LDLRAD3: variants seen among roughly 807,000 people sequenced by gnomAD.
LDLRAD3 encodes the protein low density lipoprotein receptor class A domain containing 3.
In LDLRAD3, 20 loss-of-function variants were observed where a neutral mutation model predicts 29.4. The observed-to-expected ratio is 0.68, with a 90% CI of 0.48 to 0.99. LDLRAD3 has a LOEUF of 0.99. Ranked by LOEUF, LDLRAD3 falls within the 50% of genes least tolerant of loss-of-function variation. The pLI is 0.00. For synonymous variants in LDLRAD3, 157 were observed against 192.7 expected (o/e 0.81, Z 1.53); for missense variants, 420 against 454.3 (o/e 0.92, Z 0.69).
intron 1 of LDLRAD3, among the ~76,000 whole-genome samples, chr11:36,007,822 C>T (rs746158140): frequency 4.6e-5 from 7 of 152,112 alleles, no homozygotes; most frequent in Non-Finnish European, 8.8e-5. Context: ...CAGGAGAATC[C>T]GACAGGCTGC....
chr11:36,213,517 A>G lies in LDLRAD3; in HGVS notation c.455-13568A>G, dbSNP rs916054748. On this transcript the variant is annotated intron_variant, in intron 4 of 5. Coordinates refer to ENST00000315571, the MANE Select transcript of LDLRAD3 (RefSeq NM_174902.4). This position sits in a 1 kb window ranked among gnomAD's most constrained non-coding sequence, Gnocchi z 4.1. ...TTTTTAGACAGGAAAGTCAGGGTGG[A>G]TGTGGGGATGCCCTTGGTTTACAGT... Among the ~76,000 whole-genome samples the G allele has an allele frequency of 3.9e-5, 6 of 152,188 alleles. No individual in the cohort carries two copies. The highest frequency in any genetic ancestry group is 9.6e-5 in the African/African-American group (4 of 41,456).
chr11:36,122,400 A>G (rs568032005), intron 4 of LDLRAD3, among the ~76,000 whole-genome samples: 88 of 152,296 alleles, frequency 5.8e-4, no homozygotes, highest in African/African-American at 2.1e-3. Context: ...CCCAAGCCTC[A>G]GATTTTCCAT....
chr11:36,176,808 T>C (rs1425232110), intron 4 of LDLRAD3, among the ~76,000 whole-genome samples: 1 of 152,228 alleles, frequency 6.6e-6, no homozygotes, highest in Non-Finnish European at 1.5e-5. Flanking sequence ...TATCTTTTTG[T>C]GATGAATTTC....
At position 36,229,713 on chromosome 11, in the gene LDLRAD3, G is replaced by GGA. The variant is rs1855550628; in HGVS notation, c.*322_*323dup. ...TATAAAACAGTATTGAAATAGGCTG[G>GGA]GAGAGAGCAATGTTTCTGTGCTATA... On this transcript the variant is annotated 3_prime_UTR_variant, in exon 6 of 6. Coordinates refer to ENST00000315571, the MANE Select transcript of LDLRAD3 (RefSeq NM_174902.4). 3.1e-6 allele frequency: 1 copy of GGA among 321,962 alleles called. No homozygotes were observed. The highest frequency in any genetic ancestry group is 2.1e-5 in the African/African-American group (1 of 48,434). The allele number at this position is 321,962 out of a possible 1,614,324, so 19.9% of individuals were successfully genotyped here.
rs151059364 is a variant in LDLRAD3, at chr11:36,227,252, G to C, written c.622G>C (p.Val208Leu). 1.2e-6 allele frequency: 2 copies of C among 1,614,004 alleles called. No homozygotes were observed. Among genetic ancestry groups the C allele is most frequent in the Non-Finnish European group, 1.7e-6 (2 of 1,180,000 alleles). ...GCGGAACAACCTCATGACGCTGCCC[G>C]TGCACCGGCTGCAGCACCCTGTGCT... ...RKRNNLMTLP[V>L]HRLQHPVLLS... is the part of the protein sequence containing the mutation. Residue 208 changes from valine (V) to leucine (L), a missense_variant, in exon 5 of 6, where the codon GTG becomes CTG. Val to Leu is a conservative substitution (Grantham distance 32). Coordinates refer to ENST00000315571, the MANE Select transcript of LDLRAD3 (RefSeq NM_174902.4).
intron 1 of LDLRAD3, among the ~76,000 whole-genome samples, chr11:35,986,979 T>C (rs567953315): frequency 6.6e-6 from 1 of 152,348 alleles, no homozygotes; most frequent in East Asian, 1.9e-4. Flanking sequence ...GCTGTCTGCC[T>C]CACACTTTTC....
intron 1 of LDLRAD3, among the ~76,000 whole-genome samples, chr11:35,948,940 G>A (rs1465505219): frequency 1.3e-5 from 2 of 152,140 alleles, no homozygotes; most frequent in Non-Finnish European, 2.9e-5. Context: ...TTGCCACGTT[G>A]CCCCTAGTTG....
chr11:35,946,112 C>T (rs1851053681), intron 1 of LDLRAD3, among the ~76,000 whole-genome samples: 1 of 152,174 alleles, frequency 6.6e-6, no homozygotes, highest in Non-Finnish European at 1.5e-5. Flanking sequence ...TTGCCAGAAA[C>T]AGGGCTGGTC....
intron 4 of LDLRAD3, chr11:36,102,019 G>T (rs1437112530): frequency 1.0e-5 from 2 of 196,900 alleles, no homozygotes; most frequent in African/African-American, 4.8e-5. Flanking sequence ...CTCCCGAGTA[G>T]CTGGAACTAC....
chr11:36,229,684 A>G lies in LDLRAD3; in HGVS notation c.*287A>G, dbSNP rs749014752. On this transcript the variant is annotated 3_prime_UTR_variant, in exon 6 of 6. Transcript: ENST00000315571. ...ATTATTCTGTTTCTGTTGGAGAGAC[A>G]GCATATAAAACAGTATTGAAATAGG... 6 of 442,550 alleles carry G rather than the reference A, an allele frequency of 1.4e-5. No individual in the cohort carries two copies. Among genetic ancestry groups the G allele is most frequent in the Non-Finnish European group, 2.4e-5 (6 of 245,318 alleles). The allele number at this position is 442,550 out of a possible 1,614,324, so 27.4% of individuals were successfully genotyped here. A position where few individuals can be genotyped will look rare whatever the true frequency, so the allele number is the denominator to read the frequency against.
intron 4 of LDLRAD3, among the ~76,000 whole-genome samples, chr11:36,133,812 C>T (rs1013001579): frequency 2.0e-5 from 3 of 152,096 alleles, no homozygotes; most frequent in Admixed American, 6.5e-5. Context: ...GTTGGTATTA[C>T]AGGCATGAGC....
intron 4 of LDLRAD3, among the ~76,000 whole-genome samples, chr11:36,155,725 G>A (rs1291231419): frequency 6.6e-6 from 1 of 152,214 alleles, no homozygotes; most frequent in Non-Finnish European, 1.5e-5. Context: ...TACAGCAGGG[G>A]CCTCTTGTTC....
chr11:36,177,511 C>G (rs181008352), intron 4 of LDLRAD3, among the ~76,000 whole-genome samples: 1 of 152,272 alleles, frequency 6.6e-6, no homozygotes, highest in African/African-American at 2.4e-5. Context: ...ACAGGGTGGT[C>G]CCTTGATGTG....
At chr11:36,191,243 T>G (rs1031718917) in intron 4 of LDLRAD3, among the ~76,000 whole-genome samples, 1 of 151,992 alleles carries the variant, frequency 6.6e-6, no homozygotes, top group Non-Finnish European at 1.5e-5. Flanking sequence ...TAGGAAGAAC[T>G]TGATAGGCCA....
intron 4 of LDLRAD3, among the ~76,000 whole-genome samples, chr11:36,136,744 A>G (rs904658122): frequency 6.6e-6 from 1 of 150,674 alleles, no homozygotes; most frequent in Non-Finnish European, 1.5e-5. Flanking sequence ...AGGCTGGAGT[A>G]CAGTGGCGCG....
intron 1 of LDLRAD3, among the ~76,000 whole-genome samples, chr11:35,962,429 G>A (rs1460686280): frequency 1.3e-5 from 2 of 152,208 alleles, no homozygotes; most frequent in East Asian, 3.9e-4. Context: ...TGAATTTTGG[G>A]TGGAAGAGGG....
chr11:36,171,868 A>G (rs72935601), intron 4 of LDLRAD3, among the ~76,000 whole-genome samples: 7,439 of 152,186 alleles, frequency 0.049, 420 homozygotes, highest in East Asian at 0.33. Flanking sequence ...GAATTATGAT[A>G]ATATATTGAT....
intron 1 of LDLRAD3, among the ~76,000 whole-genome samples, chr11:36,017,825 A>G (rs1565164668): frequency 6.6e-6 from 1 of 152,086 alleles, no homozygotes; most frequent in Admixed American, 6.5e-5. Flanking sequence ...CATCTGGCCC[A>G]TGTTTCATTT....
rs111965184 is a variant in LDLRAD3 at position 36,108,295 on chromosome 11, G to C, written c.454+9834G>C. ...AGATCGCGCCATTGCACTCCAGCCT[G>C]GGTGACAGAGCGAGACTCCATCTCA... On this transcript the variant is annotated intron_variant, in intron 4 of 5. Coordinates refer to ENST00000315571, the MANE Select transcript of LDLRAD3 (RefSeq NM_174902.4). Among the ~76,000 whole-genome samples, 124 of 128,706 alleles carry C rather than the reference G, an allele frequency of 9.6e-4. 3 individuals carry two copies. Among genetic ancestry groups the C allele is most frequent in the African/African-American group, 3.7e-3 (119 of 32,084 alleles). The allele number at this position is 128,706 out of a possible 152,430, so 84.4% of individuals were successfully genotyped here.
Sources: allele counts gnomAD v4.1 joint callset (sites outside exome capture counted in the v4.1 genomes callset), GRCh38; gene constraint gnomAD v4.1.1; non-coding constraint Gnocchi (gnomAD v3.1); transcripts MANE v1.5; gene names NCBI Gene and HGNC (gene_info 2026-07-23, HGNC 2026-07-21).